Variants in XIRP2 observed in about 807,000 individuals in gnomAD.
XIRP2 encodes xin actin binding repeat containing 2, also known as xin actin-binding repeat-containing protein 2.
Under a neutral mutation model 277.0 loss-of-function variants are expected in XIRP2, and 236 were observed. The ratio of observed to expected loss-of-function variants is 0.85; its 90% CI spans 0.77 to 0.95. The LOEUF (loss-of-function observed/expected upper bound fraction) is 0.95. XIRP2 is among the 40% of genes least tolerant of loss of function. The pLI is 0.00. For missense variants in XIRP2, 4,640 were observed against 4,157.5 expected (o/e 1.12, Z -3.19); for synonymous variants, 1,490 against 1,416.5 (o/e 1.05, Z -1.17).
rs1695332530 is a variant in XIRP2, at chr2:167,247,934, ACTT to A, written c.6543_6545del (p.Phe2182del). 1.2e-6 allele frequency: 2 copies of A among 1,610,956 alleles called. No homozygotes were observed. Among genetic ancestry groups the A allele is most frequent in the Non-Finnish European group, 1.7e-6 (2 of 1,179,226 alleles). ...GGAGGAACTTACGACCTTTCAGGGG[ACTT>A]TCAGAAGCAAACTTTGTTAAAGCAA... On this transcript the variant is annotated inframe_deletion, in exon 9 of 11. Transcript: ENST00000409195.
chr2:167,158,249 C>G (rs376400481), intron 3 of XIRP2, among the ~76,000 whole-genome samples: 2 of 152,134 alleles, frequency 1.3e-5, no homozygotes, highest in East Asian at 3.9e-4. Flanking sequence ...TATTATTTCT[C>G]ATTTACAACT....
intron 5 of XIRP2, among the ~76,000 whole-genome samples, chr2:167,232,178 A>T (rs886550421): frequency 2.6e-5 from 4 of 152,036 alleles, no homozygotes; most frequent in African/African-American, 9.7e-5. Context: ...ATACAACAGT[A>T]TCTTTTAGGC....
intron 2 of XIRP2, among the ~76,000 whole-genome samples, chr2:167,087,282 A>T (rs1574241818): frequency 6.6e-6 from 1 of 152,158 alleles, no homozygotes; most frequent in East Asian, 1.9e-4. Context: ...GACCCACTTG[A>T]GGAGGCAGTC....
chr2:167,045,197 A>G lies in XIRP2; in HGVS notation c.409-90712A>G, dbSNP rs139369071. On this transcript the variant is annotated intron_variant, in intron 2 of 10. Coordinates refer to ENST00000409195, the MANE Select transcript of XIRP2 (RefSeq NM_152381.6). ...ATGGTGCTGGGATAGTTGGCTAGCC[A>G]TATGCAAAAGATTGAAACTAGACCT... 1.3e-3 allele frequency among the ~76,000 whole-genome samples: 205 copies of G among 152,258 alleles called. 1 individual carries two copies. Among genetic ancestry groups the G allele is most frequent in the African/African-American group, 4.6e-3 (190 of 41,568 alleles).
At chr2:166,954,980 G>T (rs1212750780) in intron 2 of XIRP2, among the ~76,000 whole-genome samples, 1 of 151,832 alleles carries the variant, frequency 6.6e-6, no homozygotes, top group Non-Finnish European at 1.5e-5. Flanking sequence ...ATACCTAGGT[G>T]ATGGGTTGAT....
At chr2:167,187,724 G>A (rs1009444240) in intron 3 of XIRP2, among the ~76,000 whole-genome samples, 14 of 152,118 alleles carry the variant, frequency 9.2e-5, no homozygotes, top group Non-Finnish European at 1.9e-4. Flanking sequence ...TCATATGTTA[G>A]TGTCTTTGCA....
At position 166,983,681 on chromosome 2, in the gene XIRP2, A is replaced by G. The variant is rs978944580; in HGVS notation, c.408+79791A>G. Among the ~76,000 whole-genome samples the G allele has an allele frequency of 4.6e-5, 7 of 152,242 alleles. No homozygotes were observed. In the Middle Eastern group the frequency reaches 0.01, roughly 222 times the overall value. ...CCTTTCTAAATTTGACAAGGATCAC[A>G]CTCTAAATTCTGTCTTTTCTATGGA... On this transcript the variant is annotated intron_variant, in intron 2 of 10. Coordinates refer to ENST00000409195, the MANE Select transcript of XIRP2 (RefSeq NM_152381.6).
intron 2 of XIRP2, among the ~76,000 whole-genome samples, chr2:167,030,648 A>T (rs1040778554): frequency 2.6e-5 from 4 of 152,118 alleles, no homozygotes; most frequent in African/African-American, 9.7e-5. Flanking sequence ...TCAATTTTAG[A>T]ATAAGTGCGA....
At chr2:167,067,080 T>A (rs186652924) in intron 2 of XIRP2, among the ~76,000 whole-genome samples, 1 of 152,170 alleles carries the variant, frequency 6.6e-6, no homozygotes, top group East Asian at 1.9e-4. Context: ...TTATAGTTTT[T>A]GAAAATTTAG....
intron 2 of XIRP2, among the ~76,000 whole-genome samples, chr2:166,921,383 A>C (rs1402827555): frequency 6.6e-6 from 1 of 152,102 alleles, no homozygotes; most frequent in East Asian, 1.9e-4. Context: ...TGGTGTTCTC[A>C]GTATTTCAAA....
intron 3 of XIRP2, among the ~76,000 whole-genome samples, chr2:167,145,507 G>A (rs543101453): frequency 6.6e-6 from 1 of 152,266 alleles, no homozygotes; most frequent in Admixed American, 6.5e-5. Flanking sequence ...AGCAACACAT[G>A]CAGTGAGATT....
In XIRP2 at chr2:167,216,036, AT is replaced by A. The variant is rs570668907; in HGVS notation, c.724-2128del. Among the ~76,000 whole-genome samples the A allele has an allele frequency of 3.0e-3, 453 of 149,480 alleles. 3 individuals are homozygous for A. Among genetic ancestry groups the A allele is most frequent in the African/African-American group, 0.01 (422 of 40,466 alleles). ...GAGAAAAACAAGCAATGGGGAAAGG[AT>A]TCCCTATTTAATAAATGGTGCTGGG... On this transcript the variant is annotated intron_variant, in intron 4 of 10. Coordinates refer to ENST00000409195, the MANE Select transcript of XIRP2 (RefSeq NM_152381.6).
chr2:166,964,114 G>C (rs959963638), intron 2 of XIRP2, among the ~76,000 whole-genome samples: 6 of 151,770 alleles, frequency 4.0e-5, no homozygotes, highest in African/African-American at 1.5e-4. Flanking sequence ...GGTAGGAATA[G>C]TCATTGAACT....
At chr2:167,216,998 T>C (rs887924287) in intron 4 of XIRP2, among the ~76,000 whole-genome samples, 5 of 142,748 alleles carry the variant, frequency 3.5e-5, no homozygotes, top group African/African-American at 5.7e-5. Context: ...ATGGATGAAA[T>C]TGGAAACCAT....
intron 2 of XIRP2, among the ~76,000 whole-genome samples, chr2:167,077,869 AGACTATTGGCGTATAGTATAGTTC>A (rs1296100989): frequency 2.6e-5 from 4 of 152,218 alleles, no homozygotes; most frequent in African/African-American, 9.6e-5. Context: ...TGTTGAAAAT[AGACTATTGGCGTATAGTATAGTTC>A]GACGTTGGGT....
chr2:167,018,795 G>A (rs1208418475), intron 2 of XIRP2, among the ~76,000 whole-genome samples: 1 of 151,984 alleles, frequency 6.6e-6, no homozygotes, highest in Non-Finnish European at 1.5e-5. Context: ...AGCTTAGTGT[G>A]CATTTCCACT....
intron 3 of XIRP2, among the ~76,000 whole-genome samples, chr2:167,194,325 C>T (rs1475326051): frequency 1.3e-5 from 2 of 151,970 alleles, no homozygotes; most frequent in African/African-American, 2.4e-5. Context: ...AGGTTATCCA[C>T]CTGCCTCAGC....
intron 3 of XIRP2, among the ~76,000 whole-genome samples, chr2:167,201,235 AAAGAAAG>A (rs1693693628): frequency 9.2e-6 from 1 of 108,264 alleles, no homozygotes; most frequent in Non-Finnish European, 1.7e-5. Flanking sequence ...AGAAAGAAAG[AAAGAAAG>A]AAAGAAAGAA....
At chr2:166,960,278 A>G (rs1330674561) in intron 2 of XIRP2, among the ~76,000 whole-genome samples, 3 of 151,790 alleles carry the variant, frequency 2.0e-5, no homozygotes, top group African/African-American at 7.2e-5. Flanking sequence ...GCCATTAACA[A>G]TATCCTTCCT....
Sources: allele counts gnomAD v4.1 joint callset (sites outside exome capture counted in the v4.1 genomes callset), GRCh38; gene constraint gnomAD v4.1.1; transcripts MANE v1.5; gene names NCBI Gene and HGNC (gene_info 2026-07-23, HGNC 2026-07-21).